Variants in LRRC4C observed in about 807,000 individuals in gnomAD.
The protein encoded by LRRC4C is leucine-rich repeat-containing protein 4C.
Under a neutral mutation model 33.6 loss-of-function variants are expected in LRRC4C, and 5 were observed. The observed-to-expected ratio is 0.15, with a 90% CI of 0.08 to 0.31. The LOEUF (loss-of-function observed/expected upper bound fraction) is 0.31. Among genes scored for constraint, LRRC4C ranks in the 10% least tolerant of loss-of-function variants. The pLI, the probability that LRRC4C is intolerant of heterozygous loss-of-function variation, is 1.00. For missense variants in LRRC4C, 560 were observed against 796.7 expected (o/e 0.70, Z 3.58); for synonymous variants, 329 against 302.0 (o/e 1.09, Z -0.93).
chr11:40,467,937 T>C lies in LRRC4C; in HGVS notation c.-269-148216A>G, dbSNP rs147510074. On this transcript the variant is annotated intron_variant, in intron 3 of 6. Coordinates refer to ENST00000528697, the MANE Select transcript of LRRC4C (RefSeq NM_001258419.2). ...TTGACTGATGGAGCTGTTGGGAAAG[T>C]AGAAATTGCCTGAAGACCAGAAATG... Among the ~76,000 whole-genome samples, 5 of 152,270 alleles carry C rather than the reference T, an allele frequency of 3.3e-5. No individual in the cohort carries two copies. In the East Asian group the frequency reaches 9.7e-4, roughly 29 times the overall value.
At chr11:40,625,787 T>G (rs1196852931) in intron 3 of LRRC4C, among the ~76,000 whole-genome samples, 2 of 152,152 alleles carry the variant, frequency 1.3e-5, no homozygotes, top group African/African-American at 4.8e-5. Context: ...CTTCAAAAAT[T>G]ATCAAGAATA....
intron 2 of LRRC4C, among the ~76,000 whole-genome samples, chr11:40,895,462 A>T (rs950213079): frequency 5.9e-5 from 9 of 152,124 alleles, no homozygotes; most frequent in Non-Finnish European, 1.2e-4. Context: ...GCTTTTGCAG[A>T]TACAAAAATG....
At chr11:41,160,608 T>C (rs1944426331) in intron 1 of LRRC4C, among the ~76,000 whole-genome samples, 1 of 152,132 alleles carries the variant, frequency 6.6e-6, no homozygotes, top group Non-Finnish European at 1.5e-5. Flanking sequence ...AATATATGAA[T>C]TGGCATGCAT....
At chr11:40,479,391 G>C (rs940643025) in intron 3 of LRRC4C, among the ~76,000 whole-genome samples, 1 of 152,132 alleles carries the variant, frequency 6.6e-6, no homozygotes, top group African/African-American at 2.4e-5. Context: ...CAAGGTTCCT[G>C]TCCTTCTGGA....
chr11:40,987,690 A>G (rs1000400224), intron 1 of LRRC4C, among the ~76,000 whole-genome samples: 1 of 122,630 alleles, frequency 8.2e-6, no homozygotes, highest in African/African-American at 3.3e-5. Flanking sequence ...ATATATATAT[A>G]TCTCATATAT....
chr11:41,439,246 A>G (rs368441091), intron 1 of LRRC4C, among the ~76,000 whole-genome samples: 3 of 152,290 alleles, frequency 2.0e-5, no homozygotes, highest in African/African-American at 7.2e-5. Flanking sequence ...TCCATGGTAT[A>G]TATATACCAA....
chr11:40,121,310 A>G lies in LRRC4C; in HGVS notation c.-42-4976T>C, dbSNP rs568947957. ...TTGCAATTAATGAGATTTTCTATAA[A>G]TCAGTCATAAGTAATACTTTAAGAA... On this transcript the variant is annotated intron_variant, in intron 6 of 6. Coordinates refer to ENST00000528697, the MANE Select transcript of LRRC4C (RefSeq NM_001258419.2). Among the ~76,000 whole-genome samples the G allele has an allele frequency of 2.6e-4, 40 of 152,312 alleles. No homozygotes were observed. In the South Asian group the frequency reaches 3.9e-3, roughly 15 times the overall value.
At chr11:40,348,407 T>C (rs1353769504) in intron 3 of LRRC4C, among the ~76,000 whole-genome samples, 2 of 152,226 alleles carry the variant, frequency 1.3e-5, no homozygotes, top group Non-Finnish European at 2.9e-5. Flanking sequence ...TATTTACTTT[T>C]CCAGAGGTCC....
At chr11:40,152,341 A>G (rs1036293989) in intron 5 of LRRC4C, among the ~76,000 whole-genome samples, 13 of 152,306 alleles carry the variant, frequency 8.5e-5, no homozygotes, top group Non-Finnish European at 1.6e-4. Flanking sequence ...GCCTGGCACC[A>G]CGGGGATCCA....
chr11:40,804,772 T>C (rs1180862686), intron 2 of LRRC4C, among the ~76,000 whole-genome samples: 1 of 152,226 alleles, frequency 6.6e-6, no homozygotes, highest in Non-Finnish European at 1.5e-5. Context: ...ATTATTTTTT[T>C]TTCTCACTCT....
chr11:41,008,870 AT>A (rs1179771176), intron 1 of LRRC4C, among the ~76,000 whole-genome samples: 1 of 151,958 alleles, frequency 6.6e-6, no homozygotes, highest in African/African-American at 2.4e-5. Context: ...CTCCCCCATC[AT>A]TTCCAAATCC....
intron 1 of LRRC4C, among the ~76,000 whole-genome samples, chr11:41,240,376 G>T (rs937452108): frequency 5.9e-5 from 9 of 152,052 alleles, no homozygotes; most frequent in Non-Finnish European, 1.2e-4. Flanking sequence ...GAGTAAACCA[G>T]AACTGTGAAA....
At chr11:40,744,152 T>A (rs911826534) in intron 2 of LRRC4C, among the ~76,000 whole-genome samples, 1 of 152,178 alleles carries the variant, frequency 6.6e-6, no homozygotes, top group African/African-American at 2.4e-5. Flanking sequence ...ATGTTCTGGC[T>A]TTCATGAACT....
chr11:40,739,138 CT>C (rs897695151), intron 2 of LRRC4C, among the ~76,000 whole-genome samples: 7 of 151,734 alleles, frequency 4.6e-5, no homozygotes, highest in African/African-American at 1.7e-4. Flanking sequence ...AATAGTCAGG[CT>C]CCATATTAGA....
At chr11:40,256,550 T>C (rs1358522479) in intron 4 of LRRC4C, among the ~76,000 whole-genome samples, 1 of 152,080 alleles carries the variant, frequency 6.6e-6, no homozygotes, top group Admixed American at 6.6e-5. Flanking sequence ...GTAATTCCAC[T>C]TGTATAAGTG....
chr11:41,458,124 G>A (rs1956227178), intron 1 of LRRC4C, among the ~76,000 whole-genome samples: 1 of 152,024 alleles, frequency 6.6e-6, no homozygotes, highest in African/African-American at 2.4e-5. Flanking sequence ...GTTACAATTT[G>A]CATCTTCTTT....
chr11:40,162,062 A>G (rs1859200802), intron 5 of LRRC4C, among the ~76,000 whole-genome samples: 1 of 152,124 alleles, frequency 6.6e-6, no homozygotes, highest in Non-Finnish European at 1.5e-5. Context: ...ATATTCATGA[A>G]TAAGTACAAG....
chr11:40,818,625 T>C (rs1951799957), intron 2 of LRRC4C, among the ~76,000 whole-genome samples: 1 of 152,036 alleles, frequency 6.6e-6, no homozygotes, highest in African/African-American at 2.4e-5. Flanking sequence ...ATAAGCACAT[T>C]TTTCAAAATA....
At chr11:40,906,382 G>A (rs1956417168) in intron 2 of LRRC4C, among the ~76,000 whole-genome samples, 1 of 152,064 alleles carries the variant, frequency 6.6e-6, no homozygotes, top group African/African-American at 2.4e-5. Context: ...ATGGTGCCAT[G>A]CGCCTGTAAT....
Sources: gnomAD v4.1 joint callset for allele counts (sites outside exome capture counted in the v4.1 genomes callset) on GRCh38, gnomAD v4.1.1 for gene constraint, MANE v1.5 for transcripts, NCBI Gene and HGNC (gene_info 2026-07-23, HGNC 2026-07-21) for gene names.